The following NECTIN1 variants were observed in gnomAD, a reference collection of about 807,000 sequenced individuals.
NECTIN1 encodes nectin cell adhesion molecule 1.
In NECTIN1, 23 loss-of-function variants were observed where a neutral mutation model predicts 48.0. The ratio of observed to expected loss-of-function variants is 0.48; its 90% CI spans 0.34 to 0.68. The LOEUF is 0.68. Ranked by LOEUF, NECTIN1 falls within the 30% of genes least tolerant of loss-of-function variation. The pLI is 0.01. For synonymous variants in NECTIN1, 270 were observed against 288.9 expected (o/e 0.93, Z 0.66); for missense variants, 591 against 709.9 (o/e 0.83, Z 1.90).
chr11:119,650,401 TCTTTCCTCATGAGCCCGG>T (rs1243425508), intron 5 of NECTIN1, among the ~76,000 whole-genome samples: 27 of 152,344 alleles, frequency 1.8e-4, no homozygotes, highest in African/African-American at 6.5e-4. Context: ...TTCCAGGAAG[TCTTTCCTCATGAGCCCGG>T]CCTGCCTCTG....
intron 1 of NECTIN1, among the ~76,000 whole-genome samples, chr11:119,724,511 C>T (rs549784981): frequency 2.2e-4 from 34 of 152,294 alleles, no homozygotes; most frequent in African/African-American, 8.2e-4. Flanking sequence ...CCTAGAAGAG[C>T]TAACCAAGGG....
chr11:119,657,763 T>TAATAAC (rs1729168532), downstream of NECTIN1, among the ~76,000 whole-genome samples: 1 of 143,198 alleles, frequency 7.0e-6, no homozygotes, highest in South Asian at 2.2e-4. Context: ...ATAATAATAA[T>TAATAAC]AATAATAATA....
chr11:119,686,514 TA>T (rs1436557640), intron 1 of NECTIN1, among the ~76,000 whole-genome samples: 1 of 152,100 alleles, frequency 6.6e-6, no homozygotes, highest in Non-Finnish European at 1.5e-5. Context: ...GCAAATCACT[TA>T]CTACTTCAGA....
chr11:119,674,791 G>T, intron 5 of NECTIN1: 1 of 1,415,934 alleles, frequency 7.1e-7, no homozygotes, highest in Non-Finnish European at 9.9e-7. Flanking sequence ...AGAGCTTGGA[G>T]GAGATGAGCT....
intron 6 of NECTIN1, among the ~76,000 whole-genome samples, chr11:119,639,171 G>A (rs902833248): frequency 2.0e-5 from 3 of 152,274 alleles, no homozygotes; most frequent in South Asian, 2.1e-4. Flanking sequence ...ATGCGGCACC[G>A]ACAGCCTTAG....
At chr11:119,713,398 T>C (rs1179622322) in intron 1 of NECTIN1, among the ~76,000 whole-genome samples, 1 of 152,098 alleles carries the variant, frequency 6.6e-6, no homozygotes, top group Non-Finnish European at 1.5e-5. Context: ...AAACCATCCA[T>C]GATTTATTAA....
chr11:119,693,864 G>C (rs1353489593), intron 1 of NECTIN1, among the ~76,000 whole-genome samples: 2 of 152,196 alleles, frequency 1.3e-5, no homozygotes, highest in Admixed American at 6.5e-5. Flanking sequence ...CTGGGAAAGG[G>C]TGGGTTTTCT....
intron 1 of NECTIN1, among the ~76,000 whole-genome samples, chr11:119,706,100 C>T (rs765270929): frequency 2.6e-5 from 4 of 152,214 alleles, no homozygotes; most frequent in Admixed American, 2.0e-4. Flanking sequence ...CCCTCGGCCG[C>T]CAGCCAGGCC....
intron 5 of NECTIN1, among the ~76,000 whole-genome samples, 196 bp downstream of exon 5, chr11:119,674,963 C>T (rs762736178): frequency 7.2e-5 from 11 of 152,190 alleles, no homozygotes; most frequent in Non-Finnish European, 1.5e-4. Context: ...TGGGGGTCAC[C>T]CTGACTGTCT....
intron 1 of NECTIN1, among the ~76,000 whole-genome samples, chr11:119,691,143 C>A (rs376905663): frequency 1.3e-5 from 2 of 152,212 alleles, no homozygotes; most frequent in African/African-American, 4.8e-5. Context: ...GAGTAGCCCC[C>A]GCCCAGGTCT....
At chr11:119,649,701 G>C (rs1864462018) in intron 5 of NECTIN1, among the ~76,000 whole-genome samples, 1 of 152,096 alleles carries the variant, frequency 6.6e-6, no homozygotes, top group Non-Finnish European at 1.5e-5. Flanking sequence ...AAAAAAAAGA[G>C]GAATGTTACC....
In NECTIN1 at chr11:119,683,575, T is replaced by G. The variant is rs1249110064; in HGVS notation, c.80-4810A>C. Reference sequence around the variant, plus strand: ...AAACAGGGGCTTTGGGGATCCCGGGTGTGTGTGTGTGTGTGTGTGTGTGTG... The same window carrying G: ...AAACAGGGGCTTTGGGGATCCCGGGGGTGTGTGTGTGTGTGTGTGTGTGTG... On this transcript the variant is annotated intron_variant, in intron 1 of 5. Coordinates refer to ENST00000264025, the MANE Select transcript of NECTIN1 (RefSeq NM_002855.5). This position sits in a 1 kb window ranked among gnomAD's most constrained non-coding sequence, Gnocchi z 4.0. Among the ~76,000 whole-genome samples, 7 of 51,432 alleles carry G rather than the reference T, an allele frequency of 1.4e-4. No individual in the cohort carries two copies. Among genetic ancestry groups the G allele is most frequent in the South Asian group, 1.1e-3 (2 of 1,810 alleles). 33.7% of individuals were successfully genotyped at this position (51,432 alleles called of 152,430 possible).
chr11:119,704,577 G>A (rs1865515491), intron 1 of NECTIN1, among the ~76,000 whole-genome samples: 1 of 152,210 alleles, frequency 6.6e-6, no homozygotes, highest in South Asian at 2.1e-4. Context: ...CCCAGAAAGA[G>A]GCTGTGGATT....
At chr11:119,651,798 C>A (rs978624674) in intron 5 of NECTIN1, among the ~76,000 whole-genome samples, 7 of 152,160 alleles carry the variant, frequency 4.6e-5, no homozygotes, top group African/African-American at 1.7e-4. Context: ...ACTGTCAGGG[C>A]TGTCTAAGAG....
At chr11:119,644,958 C>A (rs1255557475) in intron 5 of NECTIN1, among the ~76,000 whole-genome samples, 1 of 152,190 alleles carries the variant, frequency 6.6e-6, no homozygotes, top group Non-Finnish European at 1.5e-5. Context: ...CCTGGGGACA[C>A]AGACACTACC....
chr11:119,717,628 C>T (rs1452356098), intron 1 of NECTIN1, among the ~76,000 whole-genome samples: 1 of 152,210 alleles, frequency 6.6e-6, no homozygotes, highest in East Asian at 1.9e-4. Context: ...ATGCCTGTCC[C>T]TGCCTCCGCT....
chr11:119,728,587 G>A lies in NECTIN1; in HGVS notation c.-34C>T, dbSNP rs376092672. 67 of 1,473,824 alleles carry A rather than the reference G, an allele frequency of 4.5e-5. 1 individual carries two copies. The highest frequency in any genetic ancestry group is 6.0e-5 in the Non-Finnish European group (65 of 1,085,174). The allele number at this position is 1,473,824 out of a possible 1,614,324, so 91.3% of individuals were successfully genotyped here. ...GGGGGTCCGGCGAGAGGGGCGGCGA[G>A]GGCAGCGCTCCTCGCGCAGCAGAAA... On this transcript the variant is annotated 5_prime_UTR_variant, in exon 1 of 6. Coordinates refer to ENST00000264025, the MANE Select transcript of NECTIN1 (RefSeq NM_002855.5).
Position 119,662,180 on chromosome 11 carries a change from G to A in NECTIN1, c.*2567C>T, listed in dbSNP as rs1864677511. ...AAGCAGAAGCTCAGCTCATGCTGTG[G>A]GCATGAAGGAGAAGCAAAATGTCCT... On this transcript the variant is annotated 3_prime_UTR_variant, in exon 6 of 6. Transcript: ENST00000264025. The surrounding 1 kb of genome is among the most constrained non-coding windows in gnomAD (Gnocchi z 5.3). 1.1e-5 allele frequency: 11 copies of A among 985,390 alleles called. No individual in the cohort carries two copies. In the South Asian group the frequency reaches 4.2e-4, roughly 38 times the overall value. The allele number at this position is 985,390 out of a possible 1,614,324, so 61.0% of individuals were successfully genotyped here. A position where few individuals can be genotyped will look rare whatever the true frequency, so the allele number is the denominator to read the frequency against.
intron 5 of NECTIN1, chr11:119,642,698 G>C (rs1864344607): frequency 6.5e-6 from 1 of 153,508 alleles, no homozygotes. Context: ...CAAAATCCAA[G>C]CATGCTCAAA....
Sources: gnomAD v4.1 joint callset for allele counts (sites outside exome capture counted in the v4.1 genomes callset) on GRCh38, gnomAD v4.1.1 for gene constraint, Gnocchi (gnomAD v3.1) non-coding constraint, MANE v1.5 for transcripts, NCBI Gene and HGNC (gene_info 2026-07-23, HGNC 2026-07-21) for gene names.